Variants in FAM24B observed in about 807,000 individuals in gnomAD.
FAM24B encodes the protein family with sequence similarity 24 member B.
FAM24B carries 3 observed loss-of-function variants against 2.3 expected under a neutral mutation model. The observed-to-expected ratio is 1.29, with a 90% CI of 0.59 to 3.32. FAM24B has a LOEUF of 3.32. Among genes scored for constraint, FAM24B ranks in the 30% most tolerant of loss-of-function variants. The pLI, the probability that FAM24B is intolerant of heterozygous loss-of-function variation, is 0.03. For synonymous variants in FAM24B, 36 were observed against 46.3 expected, an observed-to-expected ratio of 0.78 and a Z score of 0.90; for missense variants, 98 against 117.2, an observed-to-expected ratio of 0.84 and a Z score of 0.76.
chr10:122,879,477 A>C lies in FAM24B; in HGVS notation c.-178+8T>G, dbSNP rs1365428910. 1.3e-5 allele frequency: 2 copies of C among 152,442 alleles called. No homozygotes were observed. Among genetic ancestry groups the C allele is most frequent in the East Asian group, 3.9e-4 (2 of 5,184 alleles). The allele number at this position is 152,442 out of a possible 1,614,324, so 9.4% of individuals were successfully genotyped here. On this transcript the variant is annotated splice_region_variant and intron_variant, in intron 1 of 3. Transcript: ENST00000368898. ...GCACATCGCGTAGAGCGAAGAGACG[A>C]CACCTACCTGACCATAGACGCTCCC...
At chr10:122,867,537 C>G (rs893662322) in intron 1 of FAM24B, among the ~76,000 whole-genome samples, 2 of 152,188 alleles carry the variant, frequency 1.3e-5, no homozygotes, top group Non-Finnish European at 2.9e-5. Context: ...TGGGAGGCAC[C>G]CCCTAGTAGG....
rs1007934430 is a variant in FAM24B, at chr10:122,849,253, G to A, written c.279C>T (p.Gly93=). 6.4e-7 allele frequency: 1 copy of A among 1,559,624 alleles called. No individual in the cohort carries two copies. Among genetic ancestry groups the A allele is most frequent in the African/African-American group, 1.4e-5 (1 of 73,286 alleles). ...LPPCCCDINE[G]L ...TGTGCCCACCTTTCCTAACTCAGAG[G>A]CCCTCATTTATGTCGCAACAGCAAG... The change falls in exon 4 of 4, where the codon GGC becomes GGT. Residue 93 remains glycine (G), a synonymous_variant. Coordinates refer to ENST00000368898, the MANE Select transcript of FAM24B (RefSeq NM_152644.3).
At chr10:122,872,546 AC>A (rs1182469745) in intron 1 of FAM24B, among the ~76,000 whole-genome samples, 4 of 152,208 alleles carry the variant, frequency 2.6e-5, no homozygotes, top group Non-Finnish European at 5.9e-5. Context: ...CAAATGTCCA[AC>A]AATGATAGAC....
At chr10:122,864,266 C>T (rs930806214) in intron 1 of FAM24B, among the ~76,000 whole-genome samples, 18 of 152,178 alleles carry the variant, frequency 1.2e-4, no homozygotes, top group African/African-American at 3.9e-4. Flanking sequence ...AGAACCTTAG[C>T]TTCTTCATAC....
intron 1 of FAM24B, among the ~76,000 whole-genome samples, chr10:122,856,896 C>T (rs1408044786): frequency 6.6e-6 from 1 of 152,202 alleles, no homozygotes; most frequent in Non-Finnish European, 1.5e-5. Context: ...CACCTTTAAA[C>T]ACCAGTGGCC....
At chr10:122,850,683 T>C (rs1847519189) in intron 2 of FAM24B, 133 bp from the exon 3 acceptor site, 2 of 569,108 alleles carry the variant, frequency 3.5e-6, no homozygotes, top group Admixed American at 5.7e-5. Flanking sequence ...AACACAAATG[T>C]CTTCCCAGGG....
At chr10:122,879,150 T>A (rs938473955) in intron 1 of FAM24B, among the ~76,000 whole-genome samples, 4 of 152,156 alleles carry the variant, frequency 2.6e-5, no homozygotes, top group African/African-American at 9.7e-5. Flanking sequence ...CTGATTTCTG[T>A]CACGAGGGCA....
At position 122,849,175 on chromosome 10, in the gene FAM24B, C is replaced by G; in HGVS notation, c.*72G>C. Reference sequence around the variant, plus strand: ...ATAATCTCACATAAAAACACTAGAACTTGATTTGAATAACAAAACAATCTA... The same window carrying G: ...ATAATCTCACATAAAAACACTAGAAGTTGATTTGAATAACAAAACAATCTA... On this transcript the variant is annotated 3_prime_UTR_variant, in exon 4 of 4. Coordinates refer to ENST00000368898, the MANE Select transcript of FAM24B (RefSeq NM_152644.3). 1 of 1,177,034 alleles carries G rather than the reference C, an allele frequency of 8.5e-7. No homozygotes were observed. The highest frequency in any genetic ancestry group is 1.2e-6 in the Non-Finnish European group (1 of 859,840). 72.9% of individuals were successfully genotyped at this position (1,177,034 alleles called of 1,614,324 possible). A position where few individuals can be genotyped will look rare whatever the true frequency, so the allele number is the denominator to read the frequency against.
At chr10:122,877,885 A>G (rs562351738) in intron 1 of FAM24B, among the ~76,000 whole-genome samples, 1 of 152,322 alleles carries the variant, frequency 6.6e-6, no homozygotes, top group East Asian at 1.9e-4. Flanking sequence ...AACAACCCCT[A>G]TTGCTATCTC....
At chr10:122,850,714 G>T (rs1217872123) in intron 2 of FAM24B, 164 bp from the exon 3 acceptor site, 3 of 509,520 alleles carry the variant, frequency 5.9e-6, no homozygotes, top group Non-Finnish European at 1.1e-5. Flanking sequence ...TCCCAAGCTG[G>T]CCCAGAGATG....
chr10:122,874,746 G>T (rs1847952066), intron 1 of FAM24B, among the ~76,000 whole-genome samples: 1 of 152,150 alleles, frequency 6.6e-6, no homozygotes. Flanking sequence ...CCTGCGGGCT[G>T]TATACGGCCC....
intron 1 of FAM24B, among the ~76,000 whole-genome samples, chr10:122,865,243 G>A (rs1027570211): frequency 1.3e-5 from 2 of 152,158 alleles, no homozygotes; most frequent in African/African-American, 4.8e-5. Flanking sequence ...GATGTTAGCT[G>A]TAGGTTGTTT....
intron 1 of FAM24B, among the ~76,000 whole-genome samples, chr10:122,860,279 C>G (rs1368724406): frequency 1.3e-5 from 2 of 152,138 alleles, no homozygotes; most frequent in Non-Finnish European, 2.9e-5. Flanking sequence ...GTCATATAAA[C>G]TAAATCATAT....
intron 2 of FAM24B, among the ~76,000 whole-genome samples, chr10:122,852,818 G>C: frequency 6.6e-6 from 1 of 152,190 alleles, no homozygotes; most frequent in Middle Eastern, 3.2e-3. Context: ...TTCGCTGGTG[G>C]AGTTGGGATA....
intron 1 of FAM24B, among the ~76,000 whole-genome samples, chr10:122,869,283 G>C (rs921372794): frequency 1.3e-4 from 20 of 152,284 alleles, no homozygotes; most frequent in South Asian, 4.1e-4. Context: ...GATTCATAAA[G>C]CAAGTCCTGA....
At chr10:122,854,217 C>T (rs1847596276) in intron 2 of FAM24B, among the ~76,000 whole-genome samples, 1 of 152,168 alleles carries the variant, frequency 6.6e-6, no homozygotes, top group Non-Finnish European at 1.5e-5. Context: ...GCTTGTAAGT[C>T]ACCAACATTT....
chr10:122,858,459 G>A (rs1258969427), intron 1 of FAM24B, among the ~76,000 whole-genome samples: 1 of 151,424 alleles, frequency 6.6e-6, no homozygotes, highest in East Asian at 1.9e-4. Context: ...TGTAAATGAC[G>A]AGTTAATGGG....
chr10:122,871,345 C>T (rs981651931), intron 1 of FAM24B, among the ~76,000 whole-genome samples: 1 of 152,110 alleles, frequency 6.6e-6, no homozygotes, highest in African/African-American at 2.4e-5. Flanking sequence ...CAATATTGTG[C>T]AAATGGCCAT....
At chr10:122,873,856 C>A (rs1847938404) in intron 1 of FAM24B, among the ~76,000 whole-genome samples, 1 of 152,118 alleles carries the variant, frequency 6.6e-6, no homozygotes, top group African/African-American at 2.4e-5. Flanking sequence ...TTTTAAATTT[C>A]TCTTGAAACT....
Sources: gnomAD v4.1 joint callset for allele counts (sites outside exome capture counted in the v4.1 genomes callset) on GRCh38, gnomAD v4.1.1 for gene constraint, MANE v1.5 for transcripts, NCBI Gene and HGNC (gene_info 2026-07-23, HGNC 2026-07-21) for gene names.